The following NEMF variants were observed in gnomAD, a reference collection of about 807,000 sequenced individuals.
NEMF encodes the protein nuclear export mediator factor.
A neutral mutation model predicts 162.2 loss-of-function variants in NEMF; 89 were observed. The observed-to-expected ratio is 0.55, with a 90% CI of 0.46 to 0.65. The LOEUF is 0.65. Ranked by LOEUF, NEMF falls within the 30% of genes least tolerant of loss-of-function variation. NEMF has a pLI of 0.00. For synonymous variants in NEMF, 421 were observed against 404.5 expected, an observed-to-expected ratio of 1.04 and a Z score of -0.49; for missense variants, 1,133 against 1,261.9, an observed-to-expected ratio of 0.90 and a Z score of 1.55.
intron 3 of NEMF, among the ~76,000 whole-genome samples, chr14:49,850,163 T>C (rs1893702593): frequency 2.0e-5 from 3 of 152,100 alleles, no homozygotes; most frequent in Admixed American, 6.6e-5. Context: ...AGTGAAACAG[T>C]GCGAACTCAG....
At position 49,829,055 on chromosome 14, in the gene NEMF, T is replaced by C. The variant is rs201348677; in HGVS notation, c.1231A>G (p.Arg411Gly). ...TGCTTGACTAAGAGTCAAACTTACC[T>C]TAGCAGCATTGTAACATGGTTTGTT... Reference protein sequence around the residue: ...LQTNHVTMLLRNPYLLSEEED... With the variant: ...LQTNHVTMLLGNPYLLSEEED... The change falls in exon 13 of 33, where the codon AGA (arginine) becomes GGA (glycine). Residue 411 changes from arginine to glycine, a missense_variant and splice_region_variant. This residue lies in a region of NEMF where 582 missense variants were observed against 631.5 expected (regional missense o/e 0.92). Coordinates refer to ENST00000298310, the MANE Select transcript of NEMF (RefSeq NM_004713.6). The C allele has an allele frequency of 4.9e-5, 79 of 1,613,072 alleles. No homozygotes were observed. Among genetic ancestry groups the C allele is most frequent in the Non-Finnish European group, 5.9e-5 (69 of 1,179,198 alleles).
At chr14:49,794,207 CCCT>C (rs1284874227) in intron 26 of NEMF, among the ~76,000 whole-genome samples, 1 of 151,898 alleles carries the variant, frequency 6.6e-6, no homozygotes, top group Non-Finnish European at 1.5e-5. Context: ...ATAGGGAAAT[CCCT>C]CCTTATTTCC....
chr14:49,838,284 T>C (rs1893006935), intron 5 of NEMF, 78 bp from the exon 6 acceptor site: 9 of 1,129,334 alleles, frequency 8.0e-6, no homozygotes, highest in Admixed American at 1.7e-5. Flanking sequence ...ACTACTTTCA[T>C]CTGTATCAGT....
At position 49,833,403 on chromosome 14, in the gene NEMF, G is replaced by GT. The variant is rs1892741229; in HGVS notation, c.735+19dup. On this transcript the variant is annotated intron_variant, in intron 8 of 32. Coordinates refer to ENST00000298310, the MANE Select transcript of NEMF (RefSeq NM_004713.6). ...CCCAAATAAATCACAACAATATATA[G>GT]TAAGTATACATGGTGCTACCTTCCC... 1.4e-6 allele frequency: 2 copies of GT among 1,448,966 alleles called. No individual in the cohort carries two copies. Among genetic ancestry groups the GT allele is most frequent in the African/African-American group, 2.8e-5 (2 of 71,394 alleles). The allele number at this position is 1,448,966 out of a possible 1,614,324, so 89.8% of individuals were successfully genotyped here.
At chr14:49,842,719 G>A (rs532923574) in intron 4 of NEMF, among the ~76,000 whole-genome samples, 1 of 152,176 alleles carries the variant, frequency 6.6e-6, no homozygotes, top group Non-Finnish European at 1.5e-5. Context: ...TGAAAAACTA[G>A]TAGCAGGCCA....
chr14:49,806,242 ATATATATATATATATTTTTTTT>A, intron 18 of NEMF, 109 bp from the exon 19 acceptor site: 1 of 13,236 alleles, frequency 7.6e-5, no homozygotes, highest in Non-Finnish European at 1.6e-4. Flanking sequence ...GTATATATAT[ATATATATATATATATTTTTTTT>A]TTTTTTTTTT....
At chr14:49,845,914 T>C in intron 4 of NEMF, 1 of 538,288 alleles carries the variant, frequency 1.9e-6, no homozygotes, top group Non-Finnish European at 3.3e-6. Context: ...ATCTCCTACA[T>C]TCATAAGGCT....
At chr14:49,799,432 A>C in intron 25 of NEMF, 43 bp downstream of exon 25, 1 of 1,540,834 alleles carries the variant, frequency 6.5e-7, no homozygotes, top group East Asian at 2.3e-5. Flanking sequence ...TTAAAAAAAA[A>C]AGAAAAACAT....
chr14:49,814,312 A>T (rs1387280113), intron 17 of NEMF, among the ~76,000 whole-genome samples: 1 of 152,070 alleles, frequency 6.6e-6, no homozygotes. Flanking sequence ...CATGTTGGCC[A>T]GGCTGTTCTT....
intron 11 of NEMF, among the ~76,000 whole-genome samples, chr14:49,829,741 G>A (rs1039937486): frequency 3.1e-4 from 47 of 152,188 alleles, no homozygotes; most frequent in African/African-American, 1.1e-3. Context: ...TTTTCCTATG[G>A]CACAAAAGTA....
chr14:49,852,583 T>C (rs1893835284), intron 1 of NEMF, 112 bp downstream of exon 1: 5 of 1,188,856 alleles, frequency 4.2e-6, no homozygotes, highest in Middle Eastern at 1.9e-4. Context: ...GGCAGGTCCA[T>C]AGACGCACTA....
chr14:49,829,236 G>A lies in NEMF; in HGVS notation c.1050C>T (p.Leu350=), dbSNP rs753852279. 4.3e-6 allele frequency: 7 copies of A among 1,614,078 alleles called. No homozygotes were observed. The East Asian group carries it at 1.6e-4, about 36-fold the overall frequency. Residue 350 remains leucine, a synonymous_variant, in exon 13 of 33, where the codon CTC becomes CTT. Transcript: ENST00000298310. ...CAACTATTTGTAGGTTCATTTCTAT[G>A]AGCTCTCCTTTCAGTTTGTCTATTT... ...AQEIDKLKGE[L]IEMNLQIVDR... is the part of the protein sequence containing the mutation.
At chr14:49,836,469 T>C (rs1218461795) in intron 6 of NEMF, among the ~76,000 whole-genome samples, 1 of 152,044 alleles carries the variant, frequency 6.6e-6, no homozygotes, top group African/African-American at 2.4e-5. Context: ...CTGGACAACA[T>C]GGTAAAACCC....
chr14:49,811,837 T>G (rs1362275353), intron 18 of NEMF, among the ~76,000 whole-genome samples: 1 of 152,232 alleles, frequency 6.6e-6, no homozygotes, highest in East Asian at 1.9e-4. Context: ...AGATTCAGTT[T>G]GCTAATATTT....
chr14:49,796,017 G>A (rs1168340502), intron 25 of NEMF, 73 bp from the exon 26 acceptor site: 4 of 1,151,640 alleles, frequency 3.5e-6, no homozygotes, highest in Non-Finnish European at 5.0e-6. Context: ...AAGTTCCATG[G>A]GGAAGGCACA....
At chr14:49,819,036 A>G (rs1235659741) in intron 16 of NEMF, among the ~76,000 whole-genome samples, 1 of 152,122 alleles carries the variant, frequency 6.6e-6, no homozygotes, top group Non-Finnish European at 1.5e-5. Flanking sequence ...ATGGAGACAA[A>G]AGCAACATTT....
chr14:49,803,159 A>AGT, intron 20 of NEMF, 78 bp downstream of exon 20: 1 of 1,034,822 alleles, frequency 9.7e-7, no homozygotes, highest in Middle Eastern at 2.1e-4. Context: ...TTGTTCTAAG[A>AGT]GTATTTGTAA....
Position 49,846,169 on chromosome 14 carries a change from A to T in NEMF, c.328T>A (p.Tyr110Asn). 1 of 1,613,726 alleles carries T rather than the reference A, an allele frequency of 6.2e-7. No individual in the cohort carries two copies. The highest frequency in any genetic ancestry group is 8.5e-7 in the Non-Finnish European group (1 of 1,179,688). ...DFQFGSDEAAYHLIIELYDRG... is the reference protein window; with the variant it reads ...DFQFGSDEAANHLIIELYDRG... Reference sequence around the variant, plus strand: ...TCATAGAGCTCAATGATTAAATGGTAAGCAGCTTCATCACTTCCAAATTGA... The same window carrying T: ...TCATAGAGCTCAATGATTAAATGGTTAGCAGCTTCATCACTTCCAAATTGA... The change falls in exon 4 of 33, where the codon TAC becomes AAC. Residue 110 changes from tyrosine to asparagine, a missense_variant. Coordinates refer to ENST00000298310, the MANE Select transcript of NEMF (RefSeq NM_004713.6).
intron 26 of NEMF, among the ~76,000 whole-genome samples, chr14:49,794,631 A>AT (rs1195299468): frequency 2.6e-5 from 4 of 151,852 alleles, no homozygotes; most frequent in Admixed American, 1.3e-4. Context: ...AAAAAAAAAA[A>AT]AAAAAAAAAT....
Sources: gnomAD v4.1 joint callset for allele counts (sites outside exome capture counted in the v4.1 genomes callset) on GRCh38, gnomAD v4.1.1 for gene constraint, gnomAD v4.1.1 regional missense constraint, MANE v1.5 for transcripts, NCBI Gene and HGNC (gene_info 2026-07-23, HGNC 2026-07-21) for gene names.